SCAPER: variants seen among roughly 807,000 people sequenced by gnomAD.
SCAPER encodes the protein S phase cyclin A-associated protein in the endoplasmic reticulum.
A neutral mutation model predicts 182.2 loss-of-function variants in SCAPER; 98 were observed. That is an observed-to-expected ratio of 0.54 (90% confidence interval 0.46 to 0.64). SCAPER has a LOEUF of 0.64. SCAPER is among the 30% of genes least tolerant of loss of function. The pLI, the probability that SCAPER is intolerant of heterozygous loss-of-function variation, is 0.00. For synonymous variants in SCAPER, 605 were observed against 564.6 expected (o/e 1.07, Z -1.01); for missense variants, 1,432 against 1,690.0 (o/e 0.85, Z 2.68).
intron 10 of SCAPER, among the ~76,000 whole-genome samples, chr15:76,770,596 TC>T: frequency 6.6e-6 from 1 of 152,160 alleles, no homozygotes; most frequent in Non-Finnish European, 1.5e-5. Flanking sequence ...GGTTTATGAC[TC>T]TGCAAGTTTA....
intron 5 of SCAPER, among the ~76,000 whole-genome samples, chr15:76,837,118 G>T (rs62029193): frequency 0.033 from 4,974 of 152,218 alleles, 115 homozygotes; most frequent in Middle Eastern, 0.054. Flanking sequence ...CACAAGATGG[G>T]AGAAAACATT....
intron 23 of SCAPER, among the ~76,000 whole-genome samples, chr15:76,562,285 A>T (rs977598230): frequency 1.3e-5 from 2 of 152,154 alleles, no homozygotes; most frequent in African/African-American, 4.8e-5. Flanking sequence ...TTTATAAAAG[A>T]CAATATTGAT....
intron 1 of SCAPER, among the ~76,000 whole-genome samples, chr15:76,889,518 A>G (rs1033660928): frequency 2.6e-5 from 4 of 152,222 alleles, no homozygotes; most frequent in Non-Finnish European, 4.4e-5. Flanking sequence ...CAGGGGTCGC[A>G]ATTCTAATCT....
At chr15:76,392,123 C>T (rs905602043) in intron 27 of SCAPER, among the ~76,000 whole-genome samples, 1 of 152,110 alleles carries the variant, frequency 6.6e-6, no homozygotes, top group Admixed American at 6.5e-5. Context: ...AGTAGGAATT[C>T]CAGGAGGAAA....
At chr15:76,416,750 T>C (rs2045677001) in intron 26 of SCAPER, among the ~76,000 whole-genome samples, 1 of 152,196 alleles carries the variant, frequency 6.6e-6, no homozygotes, top group Non-Finnish European at 1.5e-5. Flanking sequence ...CATACAAAGA[T>C]GTTCTTCAGT....
At chr15:76,648,597 G>A (rs1372586705) in intron 21 of SCAPER, among the ~76,000 whole-genome samples, 2 of 152,194 alleles carry the variant, frequency 1.3e-5, no homozygotes, top group Non-Finnish European at 2.9e-5. Context: ...ACCTGCCTGG[G>A]CAGCACAGTG....
chr15:76,471,413 G>T, intron 24 of SCAPER, 78 bp from the exon 25 acceptor site: 1 of 1,440,690 alleles, frequency 6.9e-7, no homozygotes. Context: ...TAAAATGAAT[G>T]GTATGAAAGC....
intron 29 of SCAPER, among the ~76,000 whole-genome samples, chr15:76,367,306 C>T (rs2041876594): frequency 1.3e-5 from 2 of 152,202 alleles, no homozygotes; most frequent in African/African-American, 4.8e-5. Flanking sequence ...TATAAAATCT[C>T]CTATCTCAGG....
At chr15:76,475,486 C>A (rs1596868044) in intron 24 of SCAPER, among the ~76,000 whole-genome samples, 1 of 152,216 alleles carries the variant, frequency 6.6e-6, no homozygotes, top group East Asian at 1.9e-4. Context: ...ACCACCACAC[C>A]CAGCTAATTT....
intron 21 of SCAPER, among the ~76,000 whole-genome samples, chr15:76,623,204 G>C (rs1035593999): frequency 1.3e-5 from 2 of 152,270 alleles, no homozygotes; most frequent in South Asian, 4.1e-4. Flanking sequence ...TAGGTTATCT[G>C]TTCACTCCAT....
At chr15:76,495,678 G>A (rs1054438462) in intron 24 of SCAPER, among the ~76,000 whole-genome samples, 1 of 151,362 alleles carries the variant, frequency 6.6e-6, no homozygotes, top group Non-Finnish European at 1.5e-5. Context: ...GTTTGGGGTA[G>A]ATGAATAATA....
chr15:76,764,676 T>A (rs2063006153), intron 14 of SCAPER, among the ~76,000 whole-genome samples: 1 of 152,184 alleles, frequency 6.6e-6, no homozygotes. Flanking sequence ...CAGGTCATTC[T>A]ACACTTTAGA....
intron 10 of SCAPER, 55 bp downstream of exon 10, chr15:76,771,687 C>T (rs555021442): frequency 7.3e-7 from 1 of 1,364,832 alleles, no homozygotes; most frequent in Non-Finnish European, 1.0e-6. Context: ...GTTTATGCTT[C>T]TTAAATATAC....
chr15:76,866,477 T>C (rs903295576), intron 2 of SCAPER, among the ~76,000 whole-genome samples: 24 of 152,314 alleles, frequency 1.6e-4, no homozygotes, highest in African/African-American at 5.8e-4. Flanking sequence ...CTCTTTTGTA[T>C]TTAGTACATA....
intron 31 of SCAPER, 145 bp from the exon 32 acceptor site, chr15:76,348,881 GTGAT>G (rs1357588381): frequency 7.1e-6 from 4 of 566,186 alleles, no homozygotes; most frequent in Admixed American, 3.4e-5. Context: ...GGTAAATAAG[GTGAT>G]TGATCTATAT....
At chr15:76,414,976 T>C (rs1300031901) in intron 26 of SCAPER, among the ~76,000 whole-genome samples, 1 of 152,224 alleles carries the variant, frequency 6.6e-6, no homozygotes, top group Non-Finnish European at 1.5e-5. Context: ...CCTTTTCTGC[T>C]TAAAATAGCT....
intron 21 of SCAPER, among the ~76,000 whole-genome samples, chr15:76,623,043 T>C (rs532601909): frequency 2.8e-4 from 43 of 152,348 alleles, no homozygotes; most frequent in African/African-American, 7.7e-4. Context: ...GCTGACTGTA[T>C]GTCTTCTTTT....
At chr15:76,428,062 T>C (rs1034676378) in intron 26 of SCAPER, among the ~76,000 whole-genome samples, 1 of 152,260 alleles carries the variant, frequency 6.6e-6, no homozygotes, top group South Asian at 2.1e-4. Flanking sequence ...ATCATGCCAC[T>C]GCACTCCAGC....
At chr15:76,547,728 T>C (rs78547112) in intron 23 of SCAPER, among the ~76,000 whole-genome samples, 10,083 of 152,210 alleles carry the variant, frequency 0.066, 372 homozygotes, top group Middle Eastern at 0.11. Flanking sequence ...AGACGGGTCA[T>C]GTATGTTGTA....
Sources: allele counts gnomAD v4.1 joint callset (sites outside exome capture counted in the v4.1 genomes callset), GRCh38; gene constraint gnomAD v4.1.1; transcripts MANE v1.5; gene names NCBI Gene and HGNC (gene_info 2026-07-23, HGNC 2026-07-21).